Variants in PDE4D observed in about 807,000 individuals in gnomAD.
The protein encoded by PDE4D is phosphodiesterase 4D, also known as 3',5'-cyclic-AMP phosphodiesterase 4D.
A neutral mutation model predicts 87.4 loss-of-function variants in PDE4D; 24 were observed. The ratio of observed to expected loss-of-function variants is 0.27; its 90% confidence interval spans 0.20 to 0.39. The LOEUF (loss-of-function observed/expected upper bound fraction) is 0.39, where lower values mean the gene tolerates loss of function less well. Among genes scored for constraint, PDE4D ranks in the 10% least tolerant of loss-of-function variants. The pLI is 1.00. For missense variants in PDE4D, 714 were observed against 1,041.0 expected, an observed-to-expected ratio of 0.69 and a Z score of 4.32; for synonymous variants, 384 against 383.2, an observed-to-expected ratio of 1.00 and a Z score of -0.02.
chr5:59,190,590 A>G (rs1480245531), intron 3 of PDE4D, among the ~76,000 whole-genome samples: 2 of 152,322 alleles, frequency 1.3e-5, no homozygotes, highest in South Asian at 2.1e-4. Flanking sequence ...TTCAAGTGAC[A>G]TAAGTATCTT....
At chr5:59,533,644 G>C (rs1156765266) in intron 1 of PDE4D, among the ~76,000 whole-genome samples, 1 of 152,210 alleles carries the variant, frequency 6.6e-6, no homozygotes, top group African/African-American at 2.4e-5. Flanking sequence ...ATTTAATGCA[G>C]TGATTCTCAA....
chr5:59,139,778 A>G (rs1449007372), intron 5 of PDE4D, among the ~76,000 whole-genome samples: 2 of 152,068 alleles, frequency 1.3e-5, no homozygotes, highest in African/African-American at 2.4e-5. Flanking sequence ...TTGCACCTGG[A>G]CTTAACTCCA....
chr5:59,427,795 C>T (rs1795514434), intron 1 of PDE4D, among the ~76,000 whole-genome samples: 1 of 147,218 alleles, frequency 6.8e-6, no homozygotes, highest in South Asian at 2.1e-4. Context: ...TCCAGTCTGG[C>T]CAACAGACAC....
At chr5:59,985,239 C>G (rs191772503) in intron 3 of PDE4D, among the ~76,000 whole-genome samples, 1 of 150,572 alleles carries the variant, frequency 6.6e-6, no homozygotes, top group Non-Finnish European at 1.5e-5. Context: ...CCCGGGTTCA[C>G]GCCATCCTCT....
At chr5:59,688,247 A>C (rs529735804) in intron 1 of PDE4D, among the ~76,000 whole-genome samples, 134 of 152,244 alleles carry the variant, frequency 8.8e-4, no homozygotes, top group Non-Finnish European at 8.5e-4. Flanking sequence ...ACTCTCCACC[A>C]CAAATCAACA....
Position 59,664,861 on chromosome 5 carries a change from G to A in PDE4D, c.455+228307C>T, listed in dbSNP as rs748559892. 2.7e-4 allele frequency among the ~76,000 whole-genome samples: 41 copies of A among 152,016 alleles called. 1 individual carries two copies. Among genetic ancestry groups the A allele is most frequent in the African/African-American group, 6.3e-4 (26 of 41,374 alleles). On this transcript the variant is annotated intron_variant, in intron 1 of 14. Coordinates refer to ENST00000340635, the MANE Select transcript of PDE4D (RefSeq NM_001104631.2). ...GCCAGATTACAATGAATATATTCTC[G>A]TCATTATCATTATCTTTAGATACTT...
chr5:60,068,336 T>C (rs1408418435), intron 2 of PDE4D, among the ~76,000 whole-genome samples: 1 of 152,186 alleles, frequency 6.6e-6, no homozygotes, highest in East Asian at 1.9e-4. Flanking sequence ...ACACTGAGTA[T>C]TTCTTAAAAT....
intron 1 of PDE4D, among the ~76,000 whole-genome samples, chr5:59,567,106 T>C (rs1346563353): frequency 1.3e-5 from 2 of 152,212 alleles, no homozygotes. Context: ...GATCTTAAAA[T>C]TGTTTTCCTT....
At chr5:59,313,453 T>C (rs1417443925) in intron 1 of PDE4D, among the ~76,000 whole-genome samples, 1 of 152,074 alleles carries the variant, frequency 6.6e-6, no homozygotes, top group East Asian at 1.9e-4. Flanking sequence ...TATCCCAGTT[T>C]CTCCCAGGAA....
intron 1 of PDE4D, among the ~76,000 whole-genome samples, chr5:59,539,148 G>GT (rs1472981957): frequency 2.6e-5 from 4 of 152,160 alleles, no homozygotes; most frequent in Admixed American, 1.3e-4. Flanking sequence ...AATCACATAT[G>GT]TGAGTATCTT....
chr5:60,349,108 G>A (rs1758974896), intron 1 of PDE4D, among the ~76,000 whole-genome samples: 1 of 152,128 alleles, frequency 6.6e-6, no homozygotes, highest in Non-Finnish European at 1.5e-5. Flanking sequence ...AATGTTGAAT[G>A]CATTAGGATA....
intron 2 of PDE4D, among the ~76,000 whole-genome samples, chr5:60,007,459 C>G (rs1036164648): frequency 6.6e-6 from 1 of 151,892 alleles, no homozygotes; most frequent in African/African-American, 2.4e-5. Context: ...AGTTAAATAT[C>G]AGAAAAATCT....
intron 1 of PDE4D, among the ~76,000 whole-genome samples, chr5:59,618,853 AG>A (rs1830013973): frequency 6.6e-6 from 1 of 152,146 alleles, no homozygotes; most frequent in African/African-American, 2.4e-5. Context: ...GGGCAAGTTC[AG>A]TCCCTTCTTG....
At chr5:60,335,820 C>T (rs1423594223) in intron 1 of PDE4D, among the ~76,000 whole-genome samples, 1 of 152,136 alleles carries the variant, frequency 6.6e-6, no homozygotes, top group Non-Finnish European at 1.5e-5. Flanking sequence ...GAAGGGGGTT[C>T]AGAGGAGCAT....
At chr5:60,513,803 A>G (rs1384511242) in intron 1 of PDE4D, among the ~76,000 whole-genome samples, 4 of 151,958 alleles carry the variant, frequency 2.6e-5, no homozygotes, top group African/African-American at 9.6e-5. Flanking sequence ...ACAGTAGAAA[A>G]TTTGTGCCAT....
chr5:60,418,799 G>A (rs546378275), intron 1 of PDE4D, among the ~76,000 whole-genome samples: 1 of 152,170 alleles, frequency 6.6e-6, no homozygotes, highest in Non-Finnish European at 1.5e-5. Context: ...TCACCCTGTT[G>A]TGCTATCAAA....
intron 1 of PDE4D, among the ~76,000 whole-genome samples, chr5:60,202,906 A>C (rs1742087646): frequency 6.6e-6 from 1 of 152,186 alleles, no homozygotes; most frequent in African/African-American, 2.4e-5. Context: ...CCCTTGAATC[A>C]GTATGAAAAA....
chr5:59,002,286 C>G (rs1750702076), intron 6 of PDE4D, among the ~76,000 whole-genome samples: 1 of 152,092 alleles, frequency 6.6e-6, no homozygotes, highest in Non-Finnish European at 1.5e-5. Context: ...TGTCAGCTTC[C>G]TCATCTGTAA....
chr5:59,010,923 A>G (rs894404837), intron 6 of PDE4D, among the ~76,000 whole-genome samples: 1 of 152,118 alleles, frequency 6.6e-6, no homozygotes, highest in Non-Finnish European at 1.5e-5. Flanking sequence ...ATACAGCCAG[A>G]TGCCCCTCTG....
Sources: gnomAD v4.1 joint callset for allele counts (sites outside exome capture counted in the v4.1 genomes callset) on GRCh38, gnomAD v4.1.1 for gene constraint, MANE v1.5 for transcripts, NCBI Gene and HGNC (gene_info 2026-07-23, HGNC 2026-07-21) for gene names.